The following RPL7L1 variants were observed in gnomAD, a reference collection of about 807,000 sequenced individuals.
RPL7L1 encodes the protein ribosomal protein L7 like 1.
A neutral mutation model predicts 30.3 loss-of-function variants in RPL7L1; 20 were observed. The observed-to-expected ratio is 0.66, with a 90% confidence interval of 0.46 to 0.96. The LOEUF (loss-of-function observed/expected upper bound fraction) is 0.96. Ranked by LOEUF, RPL7L1 falls within the 40% of genes least tolerant of loss-of-function variation. The pLI is 0.00. For synonymous variants in RPL7L1, 107 were observed against 110.1 expected, an observed-to-expected ratio of 0.97 and a Z score of 0.18; for missense variants, 271 against 314.9, an observed-to-expected ratio of 0.86 and a Z score of 1.05.
At position 42,889,681 on chromosome 6, in the gene RPL7L1, G is replaced by A. The variant is rs1052585060; in HGVS notation, c.*3217G>A. 1 of 152,326 alleles carries A rather than the reference G, an allele frequency of 6.6e-6. No homozygotes were observed. The highest frequency in any genetic ancestry group is 2.4e-5 in the African/African-American group (1 of 41,450). 9.4% of individuals were successfully genotyped at this position (152,326 alleles called of 1,614,324 possible). On this transcript the variant is annotated 3_prime_UTR_variant, in exon 6 of 6. Coordinates refer to ENST00000493763, the MANE Select transcript of RPL7L1 (RefSeq NM_001366481.3). ...AATATGGGTACAGTGTTTCCACTCTGTCCATAAAATGGGAGCTAATATTCT... is the reference window on the plus strand; with the variant it reads ...AATATGGGTACAGTGTTTCCACTCTATCCATAAAATGGGAGCTAATATTCT...
At chr6:42,884,944 T>G (rs760479358) in intron 4 of RPL7L1, among the ~76,000 whole-genome samples, 194 bp downstream of exon 4, 5 of 152,094 alleles carry the variant, frequency 3.3e-5, no homozygotes, top group Non-Finnish European at 5.9e-5. Flanking sequence ...AATACCATAG[T>G]AGGGCTGGTT....
At position 42,886,503 on chromosome 6, in the gene RPL7L1, A is replaced by G; in HGVS notation, c.*39A>G. The G allele has an allele frequency of 1.0e-6, 1 of 973,172 alleles. No homozygotes were observed. The highest frequency in any genetic ancestry group is 1.6e-5 in the African/African-American group (1 of 62,534). The allele number at this position is 973,172 out of a possible 1,614,324, so 60.3% of individuals were successfully genotyped here. Reference sequence around the variant, plus strand: ...AGGGCTGAAAACTGCCCTTGGGCTGACTTTTGATAGGCCATGCCTTGCCAC... The same window carrying G: ...AGGGCTGAAAACTGCCCTTGGGCTGGCTTTTGATAGGCCATGCCTTGCCAC... On this transcript the variant is annotated 3_prime_UTR_variant, in exon 6 of 6. Coordinates refer to ENST00000493763, the MANE Select transcript of RPL7L1 (RefSeq NM_001366481.3).
At position 42,887,822 on chromosome 6, in the gene RPL7L1, G is replaced by C. The variant is rs542900634; in HGVS notation, c.*1358G>C. On this transcript the variant is annotated 3_prime_UTR_variant, in exon 6 of 6. Coordinates refer to ENST00000493763, the MANE Select transcript of RPL7L1 (RefSeq NM_001366481.3). ...TCCTGCAGCAGTCGACCAAGCCCAA[G>C]GACATAATTGAATCTGGAGAGTCCT... 5.3e-5 allele frequency: 8 copies of C among 150,038 alleles called. No homozygotes were observed. The South Asian group carries it at 1.7e-3, about 32-fold the overall frequency. 9.3% of individuals were successfully genotyped at this position (150,038 alleles called of 1,614,324 possible).
intron 2 of RPL7L1, chr6:42,882,945 CA>C (rs1766133479): frequency 6.5e-6 from 1 of 152,850 alleles, no homozygotes; most frequent in African/African-American, 2.4e-5. Flanking sequence ...TTGTGTTACC[CA>C]GGCTAGAGTG....
intron 3 of RPL7L1, 41 bp from the exon 4 acceptor site, chr6:42,884,572 C>T: frequency 6.3e-7 from 1 of 1,597,702 alleles, no homozygotes; most frequent in Non-Finnish European, 8.6e-7. Context: ...CTGACATAAA[C>T]TGGAGGGAGT....
Position 42,883,531 on chromosome 6 carries a change from G to A in RPL7L1, c.228G>A (p.Val76=). 2 of 1,610,618 alleles carry A rather than the reference G, an allele frequency of 1.2e-6. No homozygotes were observed. The highest frequency in any genetic ancestry group is 1.7e-6 in the Non-Finnish European group (2 of 1,178,206). Residue 76 remains valine (V), a synonymous_variant, in exon 3 of 6, where the codon GTG becomes GTA. Coordinates refer to ENST00000493763, the MANE Select transcript of RPL7L1 (RefSeq NM_001366481.3). ...HDSWRQKRDK[V]RLRRLEVKPH... ...CCTGGCGGCAGAAACGTGACAAGGT[G>A]CGTCTCAGACGACTAGAAGTGAAAC...
In RPL7L1 at chr6:42,880,848, T is replaced by C. The variant is rs777218395; in HGVS notation, c.42-13T>C. On this transcript the variant is annotated splice_polypyrimidine_tract_variant and intron_variant, in intron 1 of 5. Transcript: ENST00000493763. ...TTCTAAATGTTATCTCTGATCTCAA[T>C]TTTCTGCATCAGGCAAAGAAAAATC... The C allele has an allele frequency of 4.7e-4, 698 of 1,482,262 alleles. 4 individuals are homozygous for C. The highest frequency in any genetic ancestry group is 1.9e-5 in the Non-Finnish European group (20 of 1,062,628). The allele number at this position is 1,482,262 out of a possible 1,614,324, so 91.8% of individuals were successfully genotyped here.
In RPL7L1 at chr6:42,884,746, T is replaced by A. The variant is rs1766202420; in HGVS notation, c.445T>A (p.Trp149Arg). 1 of 1,611,878 alleles carries A rather than the reference T, an allele frequency of 6.2e-7. No individual in the cohort carries two copies. The highest frequency in any genetic ancestry group is 1.3e-5 in the African/African-American group (1 of 74,846). Reference sequence around the variant, plus strand: ...GCGTATAGTGGAACCTTATGTGACCTGGGGGTAAGTAAGGTTTTCCATGTG... The same window carrying A: ...GCGTATAGTGGAACCTTATGTGACCAGGGGGTAAGTAAGGTTTTCCATGTG... Reference protein sequence around the residue: ...MLRIVEPYVTWGFPNLKSVRE... With the variant: ...MLRIVEPYVTRGFPNLKSVRE... Residue 149 changes from tryptophan to arginine, a missense_variant, in exon 4 of 6, where the codon TGG becomes AGG. Coordinates refer to ENST00000493763, the MANE Select transcript of RPL7L1 (RefSeq NM_001366481.3).
chr6:42,883,698 T>C (rs1006918641), intron 3 of RPL7L1, 84 bp downstream of exon 3: 1 of 1,168,200 alleles, frequency 8.6e-7, no homozygotes, highest in Non-Finnish European at 1.2e-6. Flanking sequence ...GGAGATAATA[T>C]GCCCCAAGCC....
chr6:42,885,812 G>A, intron 4 of RPL7L1, 162 bp from the exon 5 acceptor site: 1 of 577,272 alleles, frequency 1.7e-6, no homozygotes, highest in Non-Finnish European at 3.2e-6. Context: ...TTCTTTATCA[G>A]GAGTATTTCC....
At chr6:42,881,475 T>A (rs112250376) in intron 2 of RPL7L1, 10,620 of 152,020 alleles carry the variant, frequency 0.07, 1,207 homozygotes, top group African/African-American at 0.24. Context: ...AAAAAATAAA[T>A]AAATAAATAA....
At chr6:42,883,753 G>A in intron 3 of RPL7L1, 139 bp downstream of exon 3, 2 of 626,550 alleles carry the variant, frequency 3.2e-6, no homozygotes, top group South Asian at 4.6e-5. Flanking sequence ...GCACAATTTA[G>A]TCTGCAATAT....
chr6:42,881,931 T>G lies in RPL7L1; in HGVS notation c.147+965T>G, dbSNP rs2114078711. On this transcript the variant is annotated intron_variant, in intron 2 of 5. Transcript: ENST00000493763. The stretch of plus-strand genomic sequence containing the variant: ...ATGTGCCACCATGCCCTGCTAATTT[T>G]TGTATTTTTAGTAGAGACCGGGTTT... 2.0e-5 allele frequency: 3 copies of G among 152,214 alleles called. No individual in the cohort carries two copies. In the South Asian group the frequency reaches 6.2e-4, roughly 32 times the overall value. 9.4% of individuals were successfully genotyped at this position (152,214 alleles called of 1,614,324 possible).
rs1385788880 is a variant in RPL7L1 at position 42,886,723 on chromosome 6, C to G, written c.*259C>G. Reference sequence around the variant, plus strand: ...TAAAAACTGTATTGCTGGCCGGGCGCGGTGGCTCACGCCTGTAATCCCAGC... The same window carrying G: ...TAAAAACTGTATTGCTGGCCGGGCGGGGTGGCTCACGCCTGTAATCCCAGC... On this transcript the variant is annotated 3_prime_UTR_variant, in exon 6 of 6. Transcript: ENST00000493763. 3 of 353,556 alleles carry G rather than the reference C, an allele frequency of 8.5e-6. No homozygotes were observed. The highest frequency in any genetic ancestry group is 1.3e-4 in the East Asian group (2 of 15,564). 21.9% of individuals were successfully genotyped at this position (353,556 alleles called of 1,614,324 possible). A position where few individuals can be genotyped will look rare whatever the true frequency, so the allele number is the denominator to read the frequency against.
At chr6:42,885,900 T>TCTC (rs3077737) in intron 4 of RPL7L1, 74 bp from the exon 5 acceptor site, 224,034 of 809,108 alleles carry the variant, frequency 0.28, 32,021 homozygotes, top group Middle Eastern at 0.38. Flanking sequence ...CTCTCCAACC[T>TCTC]CTCAGCCAGG....
At position 42,883,904 on chromosome 6, in the gene RPL7L1, T is replaced by G. The variant is rs565893308; in HGVS notation, c.311+290T>G. On this transcript the variant is annotated intron_variant, in intron 3 of 5. Coordinates refer to ENST00000493763, the MANE Select transcript of RPL7L1 (RefSeq NM_001366481.3). ...AAGATGTGAAAGGCGTTCACCAGTG[T>G]TGGGAGATTTTTCAGGCATACGTGC... is the stretch of plus-strand genomic sequence containing the variant. 12 of 188,434 alleles carry G rather than the reference T, an allele frequency of 6.4e-5. No individual in the cohort carries two copies. In the East Asian group the frequency reaches 1.5e-3, roughly 23 times the overall value. 11.7% of individuals were successfully genotyped at this position (188,434 alleles called of 1,614,324 possible).
At chr6:42,880,459 A>C (rs1766030764) in intron 1 of RPL7L1, 3 of 227,572 alleles carry the variant, frequency 1.3e-5, no homozygotes, top group Non-Finnish European at 2.7e-5. Context: ...ATGTTCCCTA[A>C]AGCCCAGGAT....
rs1255531106 is a variant in RPL7L1 at position 42,884,542 on chromosome 6, C to G, written c.312-71C>G. 1.4e-5 allele frequency: 20 copies of G among 1,424,676 alleles called. No homozygotes were observed. The East Asian group carries it at 4.1e-4, about 29-fold the overall frequency. The allele number at this position is 1,424,676 out of a possible 1,614,324, so 88.3% of individuals were successfully genotyped here. On this transcript the variant is annotated intron_variant, in intron 3 of 5. Transcript: ENST00000493763. ...TCCAGATTACCCAGTGTAGTGACCT[C>G]GCATGTTGTGCTTGCTGGACTGACA...
rs1766195531 is a variant in RPL7L1 at position 42,884,630 on chromosome 6, T to C, written c.329T>C (p.Leu110Ser). Residue 110 changes from leucine to serine, a missense_variant, in exon 4 of 6, where the codon TTA (leucine) becomes TCA (serine). Transcript: ENST00000493763. ...VRIERIDGVS[L>S]LVQRTIARLR... ...CATTTCAGGATTGACGGCGTGAGTT[T>C]ACTGGTGCAGAGAACCATTGCAAGA... is the stretch of plus-strand genomic sequence containing the variant. The C allele has an allele frequency of 6.2e-7, 1 of 1,613,062 alleles. No homozygotes were observed. The highest frequency in any genetic ancestry group is 8.5e-7 in the Non-Finnish European group (1 of 1,179,850).
Sources: gnomAD v4.1 joint callset for allele counts (sites outside exome capture counted in the v4.1 genomes callset) on GRCh38, gnomAD v4.1.1 for gene constraint, MANE v1.5 for transcripts, NCBI Gene and HGNC (gene_info 2026-07-23, HGNC 2026-07-21) for gene names.